The following CHD9 variants were observed in gnomAD, a reference collection of about 807,000 sequenced individuals.
CHD9 encodes the protein ATP-dependent chromatin remodeler CHD9.
A neutral mutation model predicts 316.1 loss-of-function variants in CHD9; 77 were observed. The ratio of observed to expected loss-of-function variants is 0.24; its 90% CI spans 0.20 to 0.29. The LOEUF is 0.29. Ranked by LOEUF, CHD9 falls within the 10% of genes least tolerant of loss-of-function variation. CHD9 has a pLI of 1.00. For synonymous variants in CHD9, 1,129 were observed against 1,158.3 expected (o/e 0.97, Z 0.51); for missense variants, 2,763 against 3,438.1 (o/e 0.80, Z 4.91).
chr16:53,192,699 A>G (rs192884150), intron 2 of CHD9, among the ~76,000 whole-genome samples: 148 of 152,276 alleles, frequency 9.7e-4, no homozygotes, highest in Middle Eastern at 6.8e-3. Context: ...TTTCTTTGCA[A>G]TTCTGCATTT....
intron 24 of CHD9, among the ~76,000 whole-genome samples, chr16:53,276,562 C>T (rs1327831790): frequency 1.3e-5 from 2 of 152,138 alleles, no homozygotes; most frequent in Non-Finnish European, 2.9e-5. Context: ...GCATATATGT[C>T]CACCTATTCC....
rs71143973 is a variant in CHD9, at chr16:53,214,915, CTT to C, written c.1784+5117_1784+5118del. 3.8e-3 allele frequency among the ~76,000 whole-genome samples: 468 copies of C among 123,358 alleles called. 3 individuals are homozygous for C. Among genetic ancestry groups the C allele is most frequent in the South Asian group, 0.016 (62 of 3,982 alleles). 80.9% of individuals were successfully genotyped at this position (123,358 alleles called of 152,430 possible). On this transcript the variant is annotated intron_variant, in intron 3 of 38. Coordinates refer to ENST00000447540, the MANE Select transcript of CHD9 (RefSeq NM_001308319.2). ...GATGTTCGTAAAAAACAATATATAT[CTT>C]TTTTTTTTTTTTTTGAGACGGAGTC...
intron 1 of CHD9, among the ~76,000 whole-genome samples, chr16:53,056,008 T>C (rs1485456862): frequency 7.5e-6 from 1 of 132,564 alleles, no homozygotes; most frequent in Admixed American, 7.4e-5. Flanking sequence ...ACGAGCCTTT[T>C]TTACAACTAG....
intron 20 of CHD9, among the ~76,000 whole-genome samples, chr16:53,266,670 A>G (rs2051730073): frequency 6.6e-6 from 1 of 152,212 alleles, no homozygotes; most frequent in African/African-American, 2.4e-5. Context: ...ATTCATCATT[A>G]TACCACAGCC....
rs374457940 is a variant in CHD9, at chr16:53,107,403, T to G, written c.-164-48523T>G. On this transcript the variant is annotated intron_variant, in intron 1 of 38. Transcript: ENST00000447540. ...TGAACCCGGGAGGTGGAGGTTGCAGTGAGCCGAGATTGCACCACTGCACTC... is the reference window on the plus strand; with the variant it reads ...TGAACCCGGGAGGTGGAGGTTGCAGGGAGCCGAGATTGCACCACTGCACTC... Among the ~76,000 whole-genome samples, 51 of 151,198 alleles carry G rather than the reference T, an allele frequency of 3.4e-4. No homozygotes were observed. In the East Asian group the frequency reaches 9.3e-3, roughly 28 times the overall value.
intron 1 of CHD9, among the ~76,000 whole-genome samples, chr16:53,091,344 T>TA (rs1374903249): frequency 3.9e-5 from 6 of 152,152 alleles, no homozygotes; most frequent in Non-Finnish European, 8.8e-5. Flanking sequence ...TCCTCATCTG[T>TA]AAAAAATGTG....
intron 2 of CHD9, among the ~76,000 whole-genome samples, chr16:53,178,438 T>C (rs1220488158): frequency 6.8e-6 from 1 of 145,990 alleles, no homozygotes; most frequent in African/African-American, 2.5e-5. Flanking sequence ...TTTTTTTTTT[T>C]TTTTTTTTTT....
intron 2 of CHD9, among the ~76,000 whole-genome samples, chr16:53,177,497 G>A (rs779180217): frequency 4.6e-5 from 7 of 152,148 alleles, no homozygotes; most frequent in Non-Finnish European, 8.8e-5. Context: ...ACTAGAAGGA[G>A]CCTTAATCAT....
intron 2 of CHD9, among the ~76,000 whole-genome samples, chr16:53,185,879 G>A (rs2043955819): frequency 6.6e-6 from 1 of 152,212 alleles, no homozygotes; most frequent in Non-Finnish European, 1.5e-5. Flanking sequence ...GTCAAGAATT[G>A]AGGTTTGGGA....
Position 53,255,653 on chromosome 16 carries a change from T to C in CHD9, c.4083T>C (p.Tyr1361=). The C allele has an allele frequency of 6.2e-7, 1 of 1,613,864 alleles. No individual in the cohort carries two copies. The highest frequency in any genetic ancestry group is 1.3e-5 in the African/African-American group (1 of 75,038). The change falls in exon 19 of 39, where the codon TAT becomes TAC. Residue 1361 remains tyrosine (Y), a synonymous_variant. Coordinates refer to ENST00000447540, the MANE Select transcript of CHD9 (RefSeq NM_001308319.2). Reference sequence around the variant, plus strand: ...AAGATCTGCTTCGAAGAGGTGCTTATGGTGCTATTATGGAGGAAGAAGATG... The same window carrying C: ...AAGATCTGCTTCGAAGAGGTGCTTACGGTGCTATTATGGAGGAAGAAGATG... ...EIEDLLRRGA[Y]GAIMEEEDEG...
intron 12 of CHD9, among the ~76,000 whole-genome samples, chr16:53,242,127 T>G (rs540068634): frequency 6.6e-6 from 1 of 152,332 alleles, no homozygotes; most frequent in East Asian, 1.9e-4. Context: ...CCCTCATCTT[T>G]AGATCTTTCC....
Position 53,082,969 on chromosome 16 carries a change from C to A in CHD9, c.-165+27892C>A, listed in dbSNP as rs796753771. ...ATCAGTCGTCTGCCTCCCTTTTAAA[C>A]TGTGGCCCCCTGAGGACTATGATTG... On this transcript the variant is annotated intron_variant, in intron 1 of 38. Coordinates refer to ENST00000447540, the MANE Select transcript of CHD9 (RefSeq NM_001308319.2). 1.2e-4 allele frequency among the ~76,000 whole-genome samples: 19 copies of A among 152,332 alleles called. No homozygotes were observed. In the East Asian group the frequency reaches 3.1e-3, roughly 25 times the overall value.
rs535501040 is a variant in CHD9, at chr16:53,157,123, C to G, written c.1034C>G (p.Pro345Arg). 4 of 1,610,652 alleles carry G rather than the reference C, an allele frequency of 2.5e-6. No individual in the cohort carries two copies. The African/African-American group carries it at 5.3e-5, about 22-fold the overall frequency. The part of the protein sequence containing the change: ...NNFQILHSSH[P>R]QGNYSNSKLS... ...TTCCAAATATTGCATTCATCACATC[C>G]TCAGGGTAATTATAGCAATTCAAAA... Residue 345 changes from proline (P) to arginine (R), a missense_variant, in exon 2 of 39, where the codon CCT becomes CGT. Physicochemically the swap from Pro to Arg is moderately radical, Grantham distance 103. This residue lies in a region of CHD9 where 859 missense variants were observed against 890.4 expected (regional missense o/e 0.96). Coordinates refer to ENST00000447540, the MANE Select transcript of CHD9 (RefSeq NM_001308319.2).
chr16:53,080,680 C>T (rs2152533914), intron 1 of CHD9, among the ~76,000 whole-genome samples: 1 of 152,314 alleles, frequency 6.6e-6, no homozygotes, highest in Middle Eastern at 3.4e-3. Context: ...CCGTGACTCT[C>T]TGCAAATGCG....
Position 53,115,595 on chromosome 16 carries a change from G to A in CHD9, c.-164-40331G>A, listed in dbSNP as rs534553755. On this transcript the variant is annotated intron_variant, in intron 1 of 38. Transcript: ENST00000447540. Reference sequence around the variant, plus strand: ...CCAGTGTCCTGTTCAAAACCAGGTCGGATAACTCCAAATGGCAGCCGGTTT... The same window carrying A: ...CCAGTGTCCTGTTCAAAACCAGGTCAGATAACTCCAAATGGCAGCCGGTTT... Among the ~76,000 whole-genome samples the A allele has an allele frequency of 4.6e-5, 7 of 152,284 alleles. 1 individual carries two copies. The highest frequency in any genetic ancestry group is 1.2e-4 in the African/African-American group (5 of 41,556).
At chr16:53,265,788 C>G (rs1183884164) in intron 20 of CHD9, among the ~76,000 whole-genome samples, 1 of 151,960 alleles carries the variant, frequency 6.6e-6, no homozygotes. Flanking sequence ...CTATACAAGA[C>G]AGAATTATGT....
At chr16:53,190,102 A>G (rs1240288860) in intron 2 of CHD9, among the ~76,000 whole-genome samples, 1 of 152,166 alleles carries the variant, frequency 6.6e-6, no homozygotes, top group African/African-American at 2.4e-5. Context: ...TGGTCCCCAA[A>G]TTATTCTTAA....
chr16:53,066,872 T>C (rs141712351), intron 1 of CHD9, among the ~76,000 whole-genome samples: 4 of 152,270 alleles, frequency 2.6e-5, no homozygotes, highest in African/African-American at 9.6e-5. Flanking sequence ...TGGTACAATT[T>C]AGATTTACAA....
At position 53,306,298 on chromosome 16, in the gene CHD9, G is replaced by A; in HGVS notation, c.6681G>A (p.Gln2227=). ...GCGTCGCGTCACTGAGCACTACCCA[G>A]GATGAGACTCAGGATAGTTTTCAGA... ...EESVASLSTT[Q]DETQDSFQMN... is the part of the protein sequence containing the mutation. The change falls in exon 32 of 39, where the codon CAG becomes CAA. Residue 2227 remains glutamine (Q), a synonymous_variant. Coordinates refer to ENST00000447540, the MANE Select transcript of CHD9 (RefSeq NM_001308319.2). 6.2e-7 allele frequency: 1 copy of A among 1,611,280 alleles called. No individual in the cohort carries two copies. Among genetic ancestry groups the A allele is most frequent in the Non-Finnish European group, 8.5e-7 (1 of 1,178,668 alleles).
Sources: gnomAD v4.1 joint callset for allele counts (sites outside exome capture counted in the v4.1 genomes callset) on GRCh38, gnomAD v4.1.1 for gene constraint, gnomAD v4.1.1 regional missense constraint, MANE v1.5 for transcripts, NCBI Gene and HGNC (gene_info 2026-07-23, HGNC 2026-07-21) for gene names.